The following SHANK2 variants were observed in gnomAD, a reference collection of about 807,000 sequenced individuals.
SHANK2 encodes SH3 and multiple ankyrin repeat domains protein 2.
SHANK2 carries 43 observed loss-of-function variants against 133.7 expected under a neutral mutation model. The observed-to-expected ratio is 0.32, with a 90% CI of 0.25 to 0.41. The LOEUF (loss-of-function observed/expected upper bound fraction) is 0.41, where lower values mean the gene tolerates loss of function less well. SHANK2 is among the 10% of genes least tolerant of loss of function. The probability of loss-of-function intolerance (pLI) is 1.00; values close to 1 mark genes in which losing one functional copy is unlikely to be tolerated. For missense variants in SHANK2, 1,994 were observed against 2,235.8 expected (o/e 0.89, Z 2.18); for synonymous variants, 1,017 against 952.8 (o/e 1.07, Z -1.24).
chr11:70,643,339 G>A (rs1026886499), intron 17 of SHANK2, among the ~76,000 whole-genome samples: 18 of 152,170 alleles, frequency 1.2e-4, no homozygotes, highest in Admixed American at 2.6e-4. Flanking sequence ...CGAGGCGGGC[G>A]GATCACGAGG....
chr11:70,863,045 C>T (rs560321627), intron 11 of SHANK2, among the ~76,000 whole-genome samples: 85 of 152,236 alleles, frequency 5.6e-4, no homozygotes, highest in Middle Eastern at 3.4e-3. Flanking sequence ...GCAGGACTTA[C>T]GGAGCAGGGG....
At chr11:71,148,373 C>G (rs1270121993) in intron 2 of SHANK2, among the ~76,000 whole-genome samples, 4 of 152,192 alleles carry the variant, frequency 2.6e-5, no homozygotes, top group African/African-American at 9.7e-5. Flanking sequence ...TGTGAGCCAC[C>G]GTGCCTGGCC....
intron 10 of SHANK2, among the ~76,000 whole-genome samples, chr11:70,940,378 C>G (rs1261939670): frequency 6.6e-6 from 1 of 151,792 alleles, no homozygotes; most frequent in African/African-American, 2.4e-5. Flanking sequence ...TCCTGAGTAG[C>G]TGGGATTACA....
chr11:70,502,026 G>C, intron 19 of SHANK2, 95 bp from the exon 20 acceptor site: 1 of 1,423,082 alleles, frequency 7.0e-7, no homozygotes, highest in Non-Finnish European at 9.7e-7. Flanking sequence ...GAGGCTCCGA[G>C]GGAGGTGCAC....
chr11:70,876,958 G>A (rs146342899), intron 11 of SHANK2, among the ~76,000 whole-genome samples: 172 of 152,308 alleles, frequency 1.1e-3, no homozygotes, highest in African/African-American at 3.5e-3. Context: ...CTGGACCTTG[G>A]AGAATTCCAC....
intron 2 of SHANK2, among the ~76,000 whole-genome samples, chr11:71,152,345 C>T (rs1555108241): frequency 6.6e-6 from 1 of 152,202 alleles, no homozygotes; most frequent in Non-Finnish European, 1.5e-5. Context: ...AACTCCTGAC[C>T]TCAAGTGATC....
intron 2 of SHANK2, among the ~76,000 whole-genome samples, chr11:71,200,995 CG>C (rs1555117011): frequency 6.6e-6 from 1 of 152,134 alleles, no homozygotes; most frequent in Non-Finnish European, 1.5e-5. Context: ...GGGCCTGCCA[CG>C]GGCCCCGAGG....
chr11:70,844,444 T>G (rs1948964060), intron 11 of SHANK2, among the ~76,000 whole-genome samples: 1 of 152,164 alleles, frequency 6.6e-6, no homozygotes, highest in African/African-American at 2.4e-5. Flanking sequence ...TCTAAAACGC[T>G]GGGCACGTTT....
At chr11:71,248,977 A>C (rs1407145380) in intron 1 of SHANK2, among the ~76,000 whole-genome samples, 1 of 152,160 alleles carries the variant, frequency 6.6e-6, no homozygotes, top group Non-Finnish European at 1.5e-5. Flanking sequence ...CCAGGCTTGG[A>C]TGTGGCAGCA....
At chr11:70,609,640 A>T (rs899292433) in intron 17 of SHANK2, among the ~76,000 whole-genome samples, 17 of 152,120 alleles carry the variant, frequency 1.1e-4, no homozygotes, top group Admixed American at 1.0e-3. Flanking sequence ...TAGATACATA[A>T]TATATCTATA....
intron 15 of SHANK2, chr11:70,669,635 G>A (rs1944757215): frequency 6.6e-6 from 1 of 152,606 alleles, no homozygotes; most frequent in African/African-American, 2.4e-5. Flanking sequence ...CCCCAAATGT[G>A]TCTGCAACCT....
chr11:71,202,040 T>C (rs1417732224), intron 2 of SHANK2, among the ~76,000 whole-genome samples: 6 of 152,224 alleles, frequency 3.9e-5, no homozygotes, highest in African/African-American at 1.4e-4. Flanking sequence ...TTCACAGCTG[T>C]GTGGAGGAGG....
rs115188522 is a variant in SHANK2, at chr11:71,224,155, C to T, written c.-13+542G>A. On this transcript the variant is annotated intron_variant, in intron 2 of 25. Coordinates refer to ENST00000601538, the MANE Select transcript of SHANK2 (RefSeq NM_012309.5). Reference sequence around the variant, plus strand: ...TCTGCATGGAGCTGGTGGTAGTCAGCGTCAACGTTGATAAGATACTTGGCA... The same window carrying T: ...TCTGCATGGAGCTGGTGGTAGTCAGTGTCAACGTTGATAAGATACTTGGCA... Among the ~76,000 whole-genome samples, 1,165 of 152,298 alleles carry T rather than the reference C, an allele frequency of 7.6e-3. 9 individuals carry two copies. Among genetic ancestry groups the T allele is most frequent in the African/African-American group, 0.026 (1,082 of 41,556 alleles).
chr11:70,544,493 A>C (rs538661781), intron 17 of SHANK2, among the ~76,000 whole-genome samples: 58 of 152,280 alleles, frequency 3.8e-4, no homozygotes, highest in Non-Finnish European at 8.1e-4. Context: ...GACGGATCTC[A>C]CTGTGGGCCG....
chr11:71,230,382 C>G (rs1954723342), intron 1 of SHANK2, among the ~76,000 whole-genome samples: 1 of 151,238 alleles, frequency 6.6e-6, no homozygotes, highest in Admixed American at 6.6e-5. Context: ...GATATCAAGA[C>G]CACGGTGAAA....
At chr11:70,885,204 C>T (rs954151124) in intron 11 of SHANK2, among the ~76,000 whole-genome samples, 1 of 152,098 alleles carries the variant, frequency 6.6e-6, no homozygotes, top group African/African-American at 2.4e-5. Flanking sequence ...AGGGGAACCG[C>T]GCAGGGACCG....
chr11:70,809,410 T>C (rs375034368), intron 12 of SHANK2, among the ~76,000 whole-genome samples: 6 of 152,184 alleles, frequency 3.9e-5, no homozygotes, highest in African/African-American at 1.4e-4. Flanking sequence ...GTGACTACCC[T>C]CTTTTGGCAT....
chr11:70,709,832 A>T (rs1945741107), intron 14 of SHANK2, among the ~76,000 whole-genome samples: 1 of 149,920 alleles, frequency 6.7e-6, no homozygotes, highest in Non-Finnish European at 1.5e-5. Context: ...CTGGGGAGAG[A>T]GGAGAGAAGA....
At chr11:71,251,248 T>TCGCCCACG (rs1555125800) in intron 1 of SHANK2, among the ~76,000 whole-genome samples, 1 of 151,962 alleles carries the variant, frequency 6.6e-6, no homozygotes, top group Non-Finnish European at 1.5e-5. Context: ...AAGGCAAGCC[T>TCGCCCACG]CGCCCACGCG....
Sources: gnomAD v4.1 joint callset for allele counts (sites outside exome capture counted in the v4.1 genomes callset) on GRCh38, gnomAD v4.1.1 for gene constraint, MANE v1.5 for transcripts, NCBI Gene and HGNC (gene_info 2026-07-23, HGNC 2026-07-21) for gene names.